Variants in CHEK2 observed in about 807,000 individuals in gnomAD.
The protein encoded by CHEK2 is checkpoint kinase 2, also known as serine/threonine-protein kinase Chk2.
A neutral mutation model predicts 69.1 loss-of-function variants in CHEK2; 71 were observed. The observed-to-expected ratio is 1.03, with a 90% CI of 0.85 to 1.25. The LOEUF is 1.25. Ranked by LOEUF, CHEK2 falls within the 50% of genes most tolerant of loss-of-function variation. The pLI is 0.00. For synonymous variants in CHEK2, 189 were observed against 226.9 expected, an observed-to-expected ratio of 0.83 and a Z score of 1.50; for missense variants, 664 against 649.6, an observed-to-expected ratio of 1.02 and a Z score of -0.24.
chr22:28,706,565 T>C (rs947681653), intron 7 of CHEK2, among the ~76,000 whole-genome samples: 4 of 152,060 alleles, frequency 2.6e-5, no homozygotes, highest in African/African-American at 4.8e-5. Context: ...CACCTCAGCT[T>C]CCCAAAGTGC....
rs147877722 is a variant in CHEK2 at position 28,695,854 on chromosome 22, G to C, written c.1115C>G (p.Ser372Cys). Residue 372 changes from serine to cysteine, a missense_variant, in exon 11 of 15, where the codon TCC becomes TGC. Ser to Cys is a moderately radical substitution (Grantham distance 112, BLOSUM62 -1). Transcript: ENST00000404276. ...GAGAGAGGTCTCTCCCAAAATCTTG[G>C]AGTGCCCAAAATCAGTAATCTAAAA... ...CLIKITDFGH[S>C]KILGETSLMR... 6.2e-7 allele frequency: 1 copy of C among 1,613,300 alleles called. No homozygotes were observed.
At chr22:28,725,772 G>A (rs7289973) in intron 2 of CHEK2, among the ~76,000 whole-genome samples, 1 of 151,932 alleles carries the variant, frequency 6.6e-6, no homozygotes, top group Admixed American at 6.6e-5. Flanking sequence ...AGCAGGGTGT[G>A]GTGGTGGGTC....
chr22:28,723,868 G>C (rs569733834), intron 4 of CHEK2, among the ~76,000 whole-genome samples: 6 of 152,026 alleles, frequency 3.9e-5, no homozygotes, highest in South Asian at 2.1e-4. Flanking sequence ...AGGATCACTT[G>C]AGCCTGGGAG....
intron 7 of CHEK2, among the ~76,000 whole-genome samples, chr22:28,709,322 C>G (rs1465787495): frequency 6.6e-6 from 1 of 152,026 alleles, no homozygotes; most frequent in African/African-American, 2.4e-5. Context: ...AAAAGGTATT[C>G]AAAAGTGGTA....
chr22:28,708,861 G>C (rs1416475281), intron 7 of CHEK2: 4 of 268,196 alleles, frequency 1.5e-5, no homozygotes, highest in South Asian at 1.4e-4. Context: ...GCTGAGACAG[G>C]AGAATGGCGT....
chr22:28,695,069 ACC>A, intron 12 of CHEK2, 56 bp downstream of exon 12: 1 of 1,065,464 alleles, frequency 9.4e-7, no homozygotes, highest in African/African-American at 1.6e-5. Context: ...AGAAACTCCC[ACC>A]ACAGCACATA....
chr22:28,707,024 T>C (rs1386988762), intron 7 of CHEK2, among the ~76,000 whole-genome samples: 3 of 152,168 alleles, frequency 2.0e-5, no homozygotes, highest in Non-Finnish European at 4.4e-5. Flanking sequence ...GGCTTCATAA[T>C]GGGCAGTGCC....
chr22:28,692,471 T>TTTG (rs1569108070), intron 13 of CHEK2, among the ~76,000 whole-genome samples: 17 of 150,684 alleles, frequency 1.1e-4, no homozygotes, highest in East Asian at 5.9e-4. Context: ...ATATGTCTTT[T>TTTG]TTTGTTTGTT....
intron 4 of CHEK2, among the ~76,000 whole-genome samples, chr22:28,724,400 C>T (rs1030408801): frequency 6.6e-6 from 1 of 151,940 alleles, no homozygotes; most frequent in Non-Finnish European, 1.5e-5. Flanking sequence ...CAGTGCAAGA[C>T]TCCGTCTAAA....
chr22:28,733,266 C>T (rs1010051431), intron 2 of CHEK2, among the ~76,000 whole-genome samples: 5 of 152,214 alleles, frequency 3.3e-5, no homozygotes, highest in African/African-American at 1.2e-4. Flanking sequence ...AGCTCTGATT[C>T]TCTGAAGCTG....
intron 4 of CHEK2, among the ~76,000 whole-genome samples, chr22:28,719,834 G>A (rs2053710497): frequency 6.6e-6 from 1 of 151,946 alleles, no homozygotes; most frequent in South Asian, 2.1e-4. Context: ...TTTACAACAG[G>A]CCCAGAATCA....
At chr22:28,708,877 C>A in intron 7 of CHEK2, 2 of 294,696 alleles carry the variant, frequency 6.8e-6, no homozygotes, top group South Asian at 5.7e-5. Context: ...GGCGTGAACC[C>A]GGGAGGTGGA....
Position 28,696,882 on chromosome 22 carries a change from C to G in CHEK2, c.1095+19G>C, listed in dbSNP as rs200020484. On this transcript the variant is annotated intron_variant, in intron 10 of 14. Coordinates refer to ENST00000404276, the MANE Select transcript of CHEK2 (RefSeq NM_007194.4). ...AAGAATCTACAGGAATAGCCACATA[C>G]AGAATGCCAATTTCTTACCTTTATA... 1 of 1,542,484 alleles carries G rather than the reference C, an allele frequency of 6.5e-7. No individual in the cohort carries two copies. Among genetic ancestry groups the G allele is most frequent in the Non-Finnish European group, 9.0e-7 (1 of 1,115,072 alleles).
intron 8 of CHEK2, among the ~76,000 whole-genome samples, chr22:28,702,405 A>G (rs2052910592): frequency 6.7e-6 from 1 of 149,618 alleles, no homozygotes; most frequent in Non-Finnish European, 1.5e-5. Context: ...CACCCAGCTA[A>G]TTTTTTGTAT....
chr22:28,697,079 G>A (rs779769892), intron 9 of CHEK2, 92 bp from the exon 10 acceptor site: 102 of 798,710 alleles, frequency 1.3e-4, no homozygotes, highest in Non-Finnish European at 2.1e-4. Context: ...ACAGCTGGGT[G>A]AAACCGTAAG....
At chr22:28,731,414 T>C (rs8184952) in intron 2 of CHEK2, among the ~76,000 whole-genome samples, 119,655 of 151,850 alleles carry the variant, frequency 0.79, 47,442 homozygotes, top group Non-Finnish European at 0.84. Context: ...GCCTGGCCAA[T>C]ATGATGACAA....
intron 7 of CHEK2, among the ~76,000 whole-genome samples, chr22:28,709,249 T>C (rs1327706488): frequency 2.0e-5 from 3 of 152,164 alleles, no homozygotes; most frequent in Admixed American, 6.5e-5. Context: ...TTTAATCAGA[T>C]ATAAGGACAG....
intron 12 of CHEK2, among the ~76,000 whole-genome samples, chr22:28,694,524 T>C: frequency 6.6e-6 from 1 of 152,188 alleles, no homozygotes; most frequent in African/African-American, 2.4e-5. Flanking sequence ...TGCAGACTTG[T>C]CAGAAATAAA....
chr22:28,720,023 A>G (rs1306290998), intron 4 of CHEK2, among the ~76,000 whole-genome samples: 2 of 152,128 alleles, frequency 1.3e-5, no homozygotes, highest in Non-Finnish European at 1.5e-5. Context: ...TTGTAAAGCT[A>G]GGTAAATAAC....
Sources: allele counts gnomAD v4.1 joint callset (sites outside exome capture counted in the v4.1 genomes callset), GRCh38; gene constraint gnomAD v4.1.1; transcripts MANE v1.5; gene names NCBI Gene and HGNC (gene_info 2026-07-23, HGNC 2026-07-21).